DIAPH3: variants seen among roughly 807,000 people sequenced by gnomAD.
The protein encoded by DIAPH3 is protein diaphanous homolog 3.
A neutral mutation model predicts 144.3 loss-of-function variants in DIAPH3; 117 were observed. The observed-to-expected ratio is 0.81, with a 90% CI of 0.70 to 0.95. The LOEUF (loss-of-function observed/expected upper bound fraction) is 0.95. Ranked by LOEUF, DIAPH3 falls within the 40% of genes least tolerant of loss-of-function variation. The pLI, the probability that DIAPH3 is intolerant of heterozygous loss-of-function variation, is 0.00. For synonymous variants in DIAPH3, 519 were observed against 488.9 expected, an observed-to-expected ratio of 1.06 and a Z score of -0.81; for missense variants, 1,421 against 1,412.7, an observed-to-expected ratio of 1.01 and a Z score of -0.09.
intron 27 of DIAPH3, among the ~76,000 whole-genome samples, chr13:59,764,050 G>C (rs1287202990): frequency 6.6e-6 from 1 of 151,744 alleles, no homozygotes; most frequent in African/African-American, 2.4e-5. Flanking sequence ...GCTTCTGTAT[G>C]CTAAGAACTA....
rs760815388 is a variant in DIAPH3 at position 59,810,827 on chromosome 13, G to A, written c.3124C>T (p.Arg1042Cys). ...KELAERERLE[R>C]QQKKKRLLEM... ...AATAAACGCTTTTTCTTTTGTTGGC[G>A]TTCGAGTCTTTCTCGCTCTGCTAAT... The change falls in exon 25 of 28, where the codon CGC (arginine) becomes TGC (cysteine). Residue 1042 changes from arginine to cysteine, a missense_variant. Coordinates refer to ENST00000400324, the MANE Select transcript of DIAPH3 (RefSeq NM_001042517.2). 2.2e-5 allele frequency: 36 copies of A among 1,613,474 alleles called. No homozygotes were observed. The East Asian group carries it at 2.9e-4, about 13-fold the overall frequency.
intron 20 of DIAPH3, among the ~76,000 whole-genome samples, chr13:59,905,587 T>A (rs1376830825): frequency 6.6e-6 from 1 of 152,126 alleles, no homozygotes; most frequent in African/African-American, 2.4e-5. Context: ...GATATCCATG[T>A]CCTAATACCC....
At chr13:59,934,394 C>T (rs1287296714) in intron 17 of DIAPH3, among the ~76,000 whole-genome samples, 1 of 151,930 alleles carries the variant, frequency 6.6e-6, no homozygotes, top group Non-Finnish European at 1.5e-5. Flanking sequence ...ATAAGTATAT[C>T]TGAATAAATA....
intron 27 of DIAPH3, among the ~76,000 whole-genome samples, chr13:59,728,949 G>T (rs2035738217): frequency 6.6e-6 from 1 of 151,870 alleles, no homozygotes; most frequent in Non-Finnish European, 1.5e-5. Flanking sequence ...AGTCTCTTGA[G>T]AGGACAGCTG....
At chr13:59,835,045 T>C (rs942232093) in intron 23 of DIAPH3, among the ~76,000 whole-genome samples, 6 of 151,892 alleles carry the variant, frequency 4.0e-5, no homozygotes, top group Admixed American at 1.3e-4. Context: ...CACAAATATA[T>C]CCCACATTTA....
chr13:60,102,406 G>T (rs1478690610), intron 3 of DIAPH3, among the ~76,000 whole-genome samples: 1 of 152,100 alleles, frequency 6.6e-6, no homozygotes, highest in Non-Finnish European at 1.5e-5. Flanking sequence ...CTTTCACCGT[G>T]CATGGAACAT....
intron 27 of DIAPH3, among the ~76,000 whole-genome samples, chr13:59,728,066 C>CAA (rs35223359): frequency 0.043 from 6,330 of 147,952 alleles, 219 homozygotes; most frequent in South Asian, 0.11. Context: ...GACAGGGCAT[C>CAA]AAAAAAAAAA....
At chr13:60,058,714 T>C (rs1033984324) in intron 4 of DIAPH3, among the ~76,000 whole-genome samples, 1 of 151,962 alleles carries the variant, frequency 6.6e-6, no homozygotes, top group South Asian at 2.1e-4. Flanking sequence ...ACTGTAATAC[T>C]ACTTGGCTAT....
intron 4 of DIAPH3, among the ~76,000 whole-genome samples, chr13:60,070,365 T>C (rs1464443011): frequency 6.6e-6 from 1 of 151,564 alleles, no homozygotes; most frequent in East Asian, 1.9e-4. Flanking sequence ...TTTGTAAAAA[T>C]CATTAGAAAT....
Position 60,010,650 on chromosome 13 carries a change from A to G in DIAPH3, c.791T>C (p.Met264Thr). 6.2e-7 allele frequency: 1 copy of G among 1,613,706 alleles called. No homozygotes were observed. Among genetic ancestry groups the G allele is most frequent in the Non-Finnish European group, 8.5e-7 (1 of 1,179,758 alleles). The change falls in exon 8 of 28, where the codon ATG becomes ACG. Residue 264 changes from methionine to threonine, a missense_variant. By Grantham distance (81) the Met-to-Thr change is moderately conservative. Coordinates refer to ENST00000400324, the MANE Select transcript of DIAPH3 (RefSeq NM_001042517.2). ...TAAGGAAAGGCTCCTCTCCTCACTC[A>G]TAATTCTTTCCAAGCCATACTATAA... The part of the protein sequence containing the change: ...MNTQYGLERI[M>T]SEERSLSLLA...
chr13:59,994,393 A>C (rs1195619864), intron 9 of DIAPH3, among the ~76,000 whole-genome samples: 3 of 151,954 alleles, frequency 2.0e-5, no homozygotes, highest in African/African-American at 7.2e-5. Context: ...GGTATCACAC[A>C]ATTTCACAAT....
At chr13:59,916,652 T>C (rs547373584) in intron 18 of DIAPH3, among the ~76,000 whole-genome samples, 165 of 152,286 alleles carry the variant, frequency 1.1e-3, no homozygotes, top group Non-Finnish European at 1.9e-3. Flanking sequence ...ATATGTATTA[T>C]TTGCTTGTAT....
intron 1 of DIAPH3, among the ~76,000 whole-genome samples, chr13:60,156,230 C>T (rs1366339111): frequency 6.6e-6 from 1 of 152,194 alleles, no homozygotes; most frequent in African/African-American, 2.4e-5. Flanking sequence ...AATAACAATA[C>T]ATGTGTTTGC....
intron 27 of DIAPH3, among the ~76,000 whole-genome samples, chr13:59,753,059 G>T (rs2037092547): frequency 6.6e-6 from 1 of 152,114 alleles, no homozygotes; most frequent in African/African-American, 2.4e-5. Flanking sequence ...CTGCTTTCCA[G>T]CTTTTTAAAT....
intron 17 of DIAPH3, among the ~76,000 whole-genome samples, chr13:59,926,731 C>T (rs916941543): frequency 1.3e-5 from 2 of 152,226 alleles, no homozygotes; most frequent in East Asian, 1.9e-4. Flanking sequence ...GTTGTTGAGA[C>T]TTGTTTTCTG....
Position 60,052,980 on chromosome 13 carries a change from AG to A in DIAPH3, c.496-10161del, listed in dbSNP as rs1453345397. 3.5e-3 allele frequency among the ~76,000 whole-genome samples: 496 copies of A among 142,624 alleles called. 6 individuals are homozygous for A. Among genetic ancestry groups the A allele is most frequent in the East Asian group, 0.034 (168 of 4,976 alleles). 93.6% of individuals were successfully genotyped at this position (142,624 alleles called of 152,430 possible). On this transcript the variant is annotated intron_variant, in intron 4 of 27. Coordinates refer to ENST00000400324, the MANE Select transcript of DIAPH3 (RefSeq NM_001042517.2). Reference sequence around the variant, plus strand: ...CTCTTAAAAAAAAAAAAAAAAAAAAAGAAATAATAATAAGAAAGAAGAAAAG... The same window carrying A: ...CTCTTAAAAAAAAAAAAAAAAAAAAAAAATAATAATAAGAAAGAAGAAAAG...
chr13:60,087,208 A>G (rs934394188), intron 4 of DIAPH3, among the ~76,000 whole-genome samples: 3 of 152,192 alleles, frequency 2.0e-5, no homozygotes, highest in Admixed American at 2.0e-4. Flanking sequence ...TGCAAAACCA[A>G]CCCATGGATA....
At chr13:60,053,740 A>T (rs1162082123) in intron 4 of DIAPH3, among the ~76,000 whole-genome samples, 3 of 152,066 alleles carry the variant, frequency 2.0e-5, no homozygotes, top group Non-Finnish European at 4.4e-5. Context: ...AATGTATAAG[A>T]ATACATTGAA....
chr13:60,047,211 A>C lies in DIAPH3; in HGVS notation c.496-4391T>G, dbSNP rs1429321310. 3.9e-5 allele frequency among the ~76,000 whole-genome samples: 6 copies of C among 152,258 alleles called. 1 individual carries two copies. The Middle Eastern group carries it at 0.014, about 345-fold the overall frequency. On this transcript the variant is annotated intron_variant, in intron 4 of 27. Coordinates refer to ENST00000400324, the MANE Select transcript of DIAPH3 (RefSeq NM_001042517.2). ...GACAACCTACAAAAATAAACGTTAT[A>C]CCATACTCACAGAACAGAAGAATTA...
Sources: gnomAD v4.1 joint callset for allele counts (sites outside exome capture counted in the v4.1 genomes callset) on GRCh38, gnomAD v4.1.1 for gene constraint, MANE v1.5 for transcripts, NCBI Gene and HGNC (gene_info 2026-07-23, HGNC 2026-07-21) for gene names.